The following TEX14 variants were observed in gnomAD, a reference collection of about 807,000 sequenced individuals.
TEX14 encodes the protein inactive serine/threonine-protein kinase TEX14.
In TEX14, 168 loss-of-function variants were observed where a neutral mutation model predicts 178.6. That is an observed-to-expected ratio of 0.94 (90% CI 0.83 to 1.07). TEX14 has a LOEUF of 1.07. TEX14 is among the 50% of genes least tolerant of loss of function. TEX14 has a pLI of 0.00. For missense variants in TEX14, 1,730 were observed against 1,753.6 expected (o/e 0.99, Z 0.24); for synonymous variants, 626 against 634.1 (o/e 0.99, Z 0.19).
Position 58,617,598 on chromosome 17 carries a change from G to A in TEX14, c.576C>T (p.Asn192=). 6.2e-7 allele frequency: 1 copy of A among 1,613,100 alleles called. No homozygotes were observed. Among genetic ancestry groups the A allele is most frequent in the South Asian group, 1.1e-5 (1 of 90,890 alleles). Residue 192 remains asparagine, a synonymous_variant, in exon 6 of 32, where the codon AAC becomes AAT. Transcript: ENST00000349033. ...AAATGACTCCAGCTTTAAGCAGTCG[G>A]TTAGGAGAGCCATTAGGGTTTCTAG... ...LVQGNPNGSP[N]RLLKAGVISA...
chr17:58,570,485 C>T lies in TEX14; in HGVS notation c.3718-1G>A, dbSNP rs1365224938. 7 of 1,522,886 alleles carry T rather than the reference C, an allele frequency of 4.6e-6. No homozygotes were observed. Among genetic ancestry groups the T allele is most frequent in the Non-Finnish European group, 6.1e-6 (7 of 1,146,794 alleles). 94.3% of individuals were successfully genotyped at this position (1,522,886 alleles called of 1,614,324 possible). A position where few individuals can be genotyped will look rare whatever the true frequency, so the allele number is the denominator to read the frequency against. ...CCCCAATAAATGAAGACAATCTTTT[C>T]TATAAGGAAGAGATAAACATGGTAA... On this transcript the variant is annotated splice_acceptor_variant, in intron 24 of 31. Coordinates refer to ENST00000349033, the MANE Select transcript of TEX14 (RefSeq NM_031272.5). LOFTEE classifies it high-confidence loss of function.
chr17:58,643,683 A>C (rs540554499), intron 2 of TEX14, among the ~76,000 whole-genome samples: 9 of 151,914 alleles, frequency 5.9e-5, no homozygotes, highest in Admixed American at 4.6e-4. Flanking sequence ...CAGCCTGGCC[A>C]AACTGGTGAA....
At chr17:58,604,826 G>T in intron 11 of TEX14, 152 bp downstream of exon 11, 2 of 843,284 alleles carry the variant, frequency 2.4e-6, no homozygotes, top group African/African-American at 1.7e-5. Flanking sequence ...CTCCCAAAGT[G>T]CTGGGATTAC....
chr17:58,621,917 C>T, intron 4 of TEX14, 131 bp from the exon 5 acceptor site: 1 of 1,027,022 alleles, frequency 9.7e-7, no homozygotes, highest in Middle Eastern at 2.4e-4. Flanking sequence ...GGAAAGGGCC[C>T]AGGTGATTTT....
chr17:58,679,868 A>G (rs1242533429), intron 1 of TEX14, among the ~76,000 whole-genome samples: 2 of 152,158 alleles, frequency 1.3e-5, no homozygotes, highest in Non-Finnish European at 2.9e-5. Flanking sequence ...AAGAAATATA[A>G]GCCTAGGGTG....
At chr17:58,602,068 G>C in intron 12 of TEX14, 112 bp from the exon 13 acceptor site, 1 of 1,148,978 alleles carries the variant, frequency 8.7e-7, no homozygotes, top group East Asian at 2.4e-5. Flanking sequence ...CTGTTGGGTA[G>C]ACTGACTTTA....
intron 1 of TEX14, among the ~76,000 whole-genome samples, chr17:58,668,162 C>A (rs1029891286): frequency 1.3e-5 from 2 of 152,168 alleles, no homozygotes; most frequent in African/African-American, 4.8e-5. Flanking sequence ...CCTCTTACCC[C>A]TGATGTTTCC....
chr17:58,578,324 C>A (rs1387763434), intron 20 of TEX14, among the ~76,000 whole-genome samples: 1 of 152,116 alleles, frequency 6.6e-6, no homozygotes, highest in Non-Finnish European at 1.5e-5. Context: ...ACATTTAGAG[C>A]TTAGAGACTT....
At chr17:58,651,289 A>T (rs932954771) in intron 2 of TEX14, among the ~76,000 whole-genome samples, 1 of 152,178 alleles carries the variant, frequency 6.6e-6, no homozygotes, top group African/African-American at 2.4e-5. Context: ...AAGAAAAAGA[A>T]AAAAAACAGG....
rs760376496 is a variant in TEX14 at position 58,611,190 on chromosome 17, C to A, written c.1155G>T (p.Arg385Ser). 6.2e-7 allele frequency: 1 copy of A among 1,613,970 alleles called. No individual in the cohort carries two copies. Among genetic ancestry groups the A allele is most frequent in the South Asian group, 1.1e-5 (1 of 91,066 alleles). ...AVHIISPGEA[R>S]LTNLEYMLES... Reference sequence around the variant, plus strand: ...CCAACATGTACTCCAGGTTGGTCAGCCTCGCTTCACCTGGGGAGATGATAT... The same window carrying A: ...CCAACATGTACTCCAGGTTGGTCAGACTCGCTTCACCTGGGGAGATGATAT... The change falls in exon 10 of 32, where the codon AGG (arginine) becomes AGT (serine). Residue 385 changes from arginine (R) to serine (S), a missense_variant. By Grantham distance (110) the Arg-to-Ser change is moderately radical (BLOSUM62 -1). Around this residue, in one of 2 missense-constraint regions of TEX14, gnomAD observed 789 missense variants for 681.2 expected, o/e 1.16. Coordinates refer to ENST00000349033, the MANE Select transcript of TEX14 (RefSeq NM_031272.5).
chr17:58,591,719 A>AAC (rs2045147030), intron 15 of TEX14, among the ~76,000 whole-genome samples: 1 of 151,544 alleles, frequency 6.6e-6, no homozygotes, highest in Admixed American at 6.6e-5. Context: ...ACAGGAAAAA[A>AAC]AAAAAACAAA....
chr17:58,580,709 C>T (rs970054394), intron 19 of TEX14, among the ~76,000 whole-genome samples: 1 of 152,010 alleles, frequency 6.6e-6, no homozygotes, highest in Non-Finnish European at 1.5e-5. Flanking sequence ...CAAAAAGGTG[C>T]CAGGTTAGCA....
At chr17:58,690,776 T>C (rs562183739) in intron 1 of TEX14, among the ~76,000 whole-genome samples, 2 of 152,314 alleles carry the variant, frequency 1.3e-5, no homozygotes, top group African/African-American at 4.8e-5. Context: ...GCTTCTCGTA[T>C]TCTCCCCGCC....
intron 1 of TEX14, among the ~76,000 whole-genome samples, chr17:58,669,691 G>A (rs1188631862): frequency 7.7e-6 from 1 of 129,574 alleles, no homozygotes; most frequent in Non-Finnish European, 1.5e-5. Context: ...CTGAGATCAC[G>A]CCACTGCACT....
At chr17:58,603,887 CTGTGTGTGTGTGTGTG>C (rs71143257) in intron 11 of TEX14, among the ~76,000 whole-genome samples, 1,618 of 105,270 alleles carry the variant, frequency 0.015, 19 homozygotes, top group Non-Finnish European at 0.018. Context: ...TGTGATTTTA[CTGTGTGTGTGTGTGTG>C]TGTGTGTGTG....
intron 1 of TEX14, chr17:58,659,259 A>T (rs1318811972): frequency 1.5e-5 from 12 of 796,226 alleles, no homozygotes; most frequent in Non-Finnish European, 1.7e-5. Context: ...CCCCAAGAAA[A>T]ACACTTTATC....
At chr17:58,603,580 C>T (rs1450025121) in intron 11 of TEX14, among the ~76,000 whole-genome samples, 1 of 138,046 alleles carries the variant, frequency 7.2e-6, no homozygotes, top group Non-Finnish European at 1.5e-5. Flanking sequence ...AAAAGCCTTG[C>T]ACGTTGGCTC....
At chr17:58,616,432 C>A in intron 6 of TEX14, 127 bp from the exon 7 acceptor site, 2 of 1,170,372 alleles carry the variant, frequency 1.7e-6, no homozygotes, top group Non-Finnish European at 2.3e-6. Flanking sequence ...CCCCTATGCA[C>A]TGGGCCTTTT....
intron 23 of TEX14, among the ~76,000 whole-genome samples, chr17:58,572,549 A>G (rs916790989): frequency 5.3e-5 from 8 of 151,596 alleles, no homozygotes; most frequent in African/African-American, 1.9e-4. Context: ...GGAGAATGGC[A>G]TGAACCCGGG....
Sources: gnomAD v4.1 joint callset for allele counts (sites outside exome capture counted in the v4.1 genomes callset) on GRCh38, gnomAD v4.1.1 for gene constraint, gnomAD v4.1.1 regional missense constraint, MANE v1.5 for transcripts, NCBI Gene and HGNC (gene_info 2026-07-23, HGNC 2026-07-21) for gene names.